Variants in SLC25A20 observed in about 807,000 individuals in gnomAD.
SLC25A20 encodes solute carrier family 25 member 20, also known as mitochondrial carnitine/acylcarnitine carrier protein.
A neutral mutation model predicts 39.7 loss-of-function variants in SLC25A20; 29 were observed. The observed-to-expected ratio is 0.73, with a 90% CI of 0.54 to 1.00. The LOEUF is 1.00. Ranked by LOEUF, SLC25A20 falls within the 50% of genes least tolerant of loss-of-function variation. SLC25A20 has a pLI of 0.00. For missense variants in SLC25A20, 333 were observed against 379.9 expected (o/e 0.88, Z 1.03); for synonymous variants, 103 against 142.2 (o/e 0.72, Z 1.96).
At chr3:48,880,053 G>A (rs756108735) in intron 3 of SLC25A20, among the ~76,000 whole-genome samples, 15 of 152,142 alleles carry the variant, frequency 9.9e-5, no homozygotes, top group Non-Finnish European at 1.8e-4. Context: ...GCTGTAAGAC[G>A]CTGAGAAAGG....
intron 4 of SLC25A20, 75 bp downstream of exon 4, chr3:48,879,283 T>A (rs2083783246): frequency 1.8e-6 from 2 of 1,118,086 alleles, no homozygotes; most frequent in Non-Finnish European, 2.7e-6. Context: ...TTATTAAGGG[T>A]GAAAGGACAT....
At chr3:48,884,268 C>T (rs2083815818) in intron 2 of SLC25A20, 144 bp from the exon 3 acceptor site, 3 of 1,033,566 alleles carry the variant, frequency 2.9e-6, no homozygotes, top group Non-Finnish European at 4.4e-6. Flanking sequence ...AAGAAAATCT[C>T]CCACATTTAT....
chr3:48,859,152 C>T lies in SLC25A20; in HGVS notation c.658G>A (p.Gly220Arg), dbSNP rs2083603903. 4 of 1,614,086 alleles carry T rather than the reference C, an allele frequency of 2.5e-6. No homozygotes were observed. Among genetic ancestry groups the T allele is most frequent in the South Asian group, 1.1e-5 (1 of 91,066 alleles). Reference sequence around the variant, plus strand: ...ATTGCCACAGCCCAGTTGAAGATCCCTGCAATGCCCCCAGCCACCAAGATC... The same window carrying T: ...ATTGCCACAGCCCAGTTGAAGATCCTTGCAATGCCCCCAGCCACCAAGATC... ...PRILVAGGIA[G>R]IFNWAVAIPP... The change falls in exon 7 of 9, where the codon GGG (glycine) becomes AGG (arginine). Residue 220 changes from glycine to arginine, a missense_variant. Transcript: ENST00000319017.
intron 1 of SLC25A20, chr3:48,895,795 C>T (rs1244850574): frequency 8.8e-6 from 4 of 456,398 alleles, no homozygotes; most frequent in African/African-American, 8.0e-5. Context: ...TCAGATCTCC[C>T]ATAGTCAGGC....
chr3:48,887,700 A>G (rs528103063), intron 2 of SLC25A20, among the ~76,000 whole-genome samples: 63 of 152,132 alleles, frequency 4.1e-4, no homozygotes, highest in African/African-American at 1.3e-3. Flanking sequence ...TCAGGAGTTC[A>G]AGACCGGCCT....
At chr3:48,894,590 T>C (rs1424728717) in intron 1 of SLC25A20, among the ~76,000 whole-genome samples, 1 of 151,954 alleles carries the variant, frequency 6.6e-6, no homozygotes, top group Non-Finnish European at 1.5e-5. Flanking sequence ...TGTTTATTGT[T>C]GTTTTAAGCC....
chr3:48,881,304 A>G (rs1417540288), intron 3 of SLC25A20, among the ~76,000 whole-genome samples: 2 of 152,142 alleles, frequency 1.3e-5, no homozygotes, highest in Non-Finnish European at 2.9e-5. Context: ...TCCTCTCAGC[A>G]ACTAAATTCT....
chr3:48,888,829 G>T (rs985851167), intron 2 of SLC25A20, among the ~76,000 whole-genome samples: 5 of 151,986 alleles, frequency 3.3e-5, no homozygotes, highest in African/African-American at 1.2e-4. Context: ...GCTCATGCCT[G>T]TAATCCCAGC....
intron 4 of SLC25A20, among the ~76,000 whole-genome samples, chr3:48,870,543 C>A (rs1038693667): frequency 6.7e-6 from 1 of 148,246 alleles, no homozygotes. Context: ...TGAAAGAAAT[C>A]AAATTTTTCT....
chr3:48,870,513 T>C (rs2083706274), intron 4 of SLC25A20, among the ~76,000 whole-genome samples: 1 of 151,412 alleles, frequency 6.6e-6, no homozygotes, highest in South Asian at 2.1e-4. Context: ...TAAGAAAACC[T>C]GAAAACTACA....
intron 2 of SLC25A20, among the ~76,000 whole-genome samples, chr3:48,888,207 G>GAAAA (rs751937375): frequency 4.5e-4 from 20 of 44,160 alleles, no homozygotes; most frequent in Non-Finnish European, 6.3e-4. Context: ...ACTCCATCTC[G>GAAAA]AAAAAAAAAA....
chr3:48,859,012 C>A, intron 7 of SLC25A20, 80 bp downstream of exon 7: 2 of 1,084,992 alleles, frequency 1.8e-6, no homozygotes, highest in Middle Eastern at 2.1e-4. Context: ...ATCCCTAGGG[C>A]CTTATGAGCT....
intron 5 of SLC25A20, among the ~76,000 whole-genome samples, chr3:48,860,300 CAA>C (rs746290835): frequency 8.4e-5 from 8 of 95,032 alleles, no homozygotes; most frequent in African/African-American, 1.2e-4. Context: ...GACTCCATCT[CAA>C]AAAAAAAAAA....
Position 48,885,425 on chromosome 3 carries a change from G to A in SLC25A20, c.199-1301C>T, listed in dbSNP as rs139403249. ...GGCCAGTCCAAGAGAGATGAAATGCGTTTCTAGGATGGCACAGGGTGCAGT... is the reference window on the plus strand; with the variant it reads ...GGCCAGTCCAAGAGAGATGAAATGCATTTCTAGGATGGCACAGGGTGCAGT... On this transcript the variant is annotated intron_variant, in intron 2 of 8. Transcript: ENST00000319017. Among the ~76,000 whole-genome samples the A allele has an allele frequency of 1.8e-3, 270 of 152,308 alleles. 4 individuals are homozygous for A. Among genetic ancestry groups the A allele is most frequent in the East Asian group, 3.1e-3 (16 of 5,184 alleles).
At chr3:48,895,048 G>C in intron 1 of SLC25A20, among the ~76,000 whole-genome samples, 1 of 143,344 alleles carries the variant, frequency 7.0e-6, no homozygotes, top group East Asian at 2.1e-4. Flanking sequence ...TTCACTCGTC[G>C]CCCAGGCTGC....
intron 4 of SLC25A20, among the ~76,000 whole-genome samples, chr3:48,869,772 A>G (rs1031350641): frequency 2.6e-5 from 4 of 151,992 alleles, no homozygotes; most frequent in African/African-American, 7.2e-5. Flanking sequence ...TTATCAGACC[A>G]CTACACTCCA....
intron 3 of SLC25A20, among the ~76,000 whole-genome samples, chr3:48,882,093 C>T (rs1206993207): frequency 6.6e-6 from 1 of 152,206 alleles, no homozygotes; most frequent in Non-Finnish European, 1.5e-5. Context: ...GGCTCCTGTA[C>T]TGCCTATAGC....
intron 2 of SLC25A20, among the ~76,000 whole-genome samples, chr3:48,890,956 C>G (rs1168381688): frequency 6.6e-6 from 1 of 151,346 alleles, no homozygotes; most frequent in East Asian, 2.0e-4. Flanking sequence ...GCCCAGCCAC[C>G]CCCTTGTCTT....
In SLC25A20 at chr3:48,857,770, G is replaced by A; in HGVS notation, c.846C>T (p.Ala282=). ...VMIRAFPANA[A]CFLGFEVAMK... is the part of the protein sequence containing the mutation. ...TGGCAACTTCAAAGCCAAGGAAACA[G>A]GCCTAAGAAGGGATTGGGAGGAAGA... Residue 282 remains alanine (A), a splice_region_variant and synonymous_variant, in exon 9 of 9, where the codon GCC becomes GCT. Coordinates refer to ENST00000319017, the MANE Select transcript of SLC25A20 (RefSeq NM_000387.6). The A allele has an allele frequency of 2.5e-6, 4 of 1,613,550 alleles. No homozygotes were observed. The highest frequency in any genetic ancestry group is 1.3e-5 in the African/African-American group (1 of 74,968).
Sources: allele counts gnomAD v4.1 joint callset (sites outside exome capture counted in the v4.1 genomes callset), GRCh38; gene constraint gnomAD v4.1.1; transcripts MANE v1.5; gene names NCBI Gene and HGNC (gene_info 2026-07-23, HGNC 2026-07-21).